The following TP63 variants were observed in gnomAD, a reference collection of about 807,000 sequenced individuals.
TP63 encodes tumor protein 63.
In TP63, 17 loss-of-function variants were observed where a neutral mutation model predicts 82.8. That is an observed-to-expected ratio of 0.21 (90% CI 0.14 to 0.31). The LOEUF is 0.31. Among genes scored for constraint, TP63 ranks in the 10% least tolerant of loss-of-function variants. The pLI is 1.00. For missense variants in TP63, 648 were observed against 895.3 expected, an observed-to-expected ratio of 0.72 and a Z score of 3.52; for synonymous variants, 330 against 321.7, an observed-to-expected ratio of 1.03 and a Z score of -0.28.
intron 4 of TP63, among the ~76,000 whole-genome samples, chr3:189,842,197 G>A (rs1456385638): frequency 6.6e-6 from 1 of 152,110 alleles, no homozygotes; most frequent in East Asian, 1.9e-4. Context: ...GTGGAAGGGG[G>A]TTGCAACGTA....
intron 1 of TP63, among the ~76,000 whole-genome samples, chr3:189,698,678 A>T (rs1464401024): frequency 6.6e-6 from 1 of 152,172 alleles, no homozygotes; most frequent in Non-Finnish European, 1.5e-5. Flanking sequence ...GAATATCTGC[A>T]TGTAGTAAAT....
At chr3:189,692,437 C>T (rs1717008813) in intron 1 of TP63, among the ~76,000 whole-genome samples, 1 of 151,750 alleles carries the variant, frequency 6.6e-6, no homozygotes, top group African/African-American at 2.4e-5. Flanking sequence ...TTTCATCCTT[C>T]CCCTTCCTCC....
At chr3:189,893,405 T>A (rs9681004) in intron 13 of TP63, among the ~76,000 whole-genome samples, 1 of 152,022 alleles carries the variant, frequency 6.6e-6, no homozygotes, top group African/African-American at 2.4e-5. Context: ...CCTACCATTC[T>A]GCCCTGTGAA....
At chr3:189,644,848 A>T (rs564221129) in intron 1 of TP63, among the ~76,000 whole-genome samples, 10 of 152,128 alleles carry the variant, frequency 6.6e-5, no homozygotes, top group Admixed American at 2.6e-4. Flanking sequence ...GTTGCTGCAA[A>T]TGCCATTATT....
At chr3:189,628,851 C>G (rs543893975), upstream of TP63, among the ~76,000 whole-genome samples, 1 of 152,190 alleles carries the variant, frequency 6.6e-6, no homozygotes, top group African/African-American at 2.4e-5. Context: ...TACTGGTGTT[C>G]TGTTGAATTC....
intron 1 of TP63, among the ~76,000 whole-genome samples, chr3:189,671,380 A>C (rs1274635897): frequency 6.6e-6 from 1 of 152,182 alleles, no homozygotes; most frequent in Non-Finnish European, 1.5e-5. Context: ...AAAAGCAAAA[A>C]GAAATCACAA....
At chr3:189,738,345 C>G (rs1036042076) in intron 2 of TP63, among the ~76,000 whole-genome samples, 8 of 152,112 alleles carry the variant, frequency 5.3e-5, no homozygotes, top group African/African-American at 1.7e-4. Flanking sequence ...CCTTAGGAAT[C>G]GAGTATAAAA....
At chr3:189,602,349 A>G in the TP63 span, among the ~76,000 whole-genome samples, 5 of 152,184 alleles carry the variant, frequency 3.3e-5, no homozygotes, top group African/African-American at 7.2e-5. Flanking sequence ...ATATTAATGG[A>G]TGGAACAGTG....
intron 3 of TP63, among the ~76,000 whole-genome samples, chr3:189,806,384 C>T (rs778626217): frequency 6.6e-6 from 1 of 152,130 alleles, no homozygotes; most frequent in African/African-American, 2.4e-5. Context: ...TAGGGAGGCA[C>T]GTGCCTTTGG....
intron 3 of TP63, among the ~76,000 whole-genome samples, chr3:189,787,383 G>A (rs1724694460): frequency 6.6e-6 from 1 of 152,122 alleles, no homozygotes; most frequent in African/African-American, 2.4e-5. Flanking sequence ...TGAATCCAGA[G>A]TGGTTAAGTA....
Position 189,817,792 on chromosome 3 carries a change from A to G in TP63, c.579+9266A>G, listed in dbSNP as rs111548533. The stretch of plus-strand genomic sequence containing the variant: ...TAAAAAATGTTTAATTGAATCTTAT[A>G]TCTGTTAACCAGCTTTATTTTTTTA... On this transcript the variant is annotated intron_variant, in intron 4 of 13. Transcript: ENST00000264731. Among the ~76,000 whole-genome samples the G allele has an allele frequency of 4.6e-5, 7 of 152,104 alleles. 1 individual carries two copies. The highest frequency in any genetic ancestry group is 1.7e-4 in the African/African-American group (7 of 41,542).
At chr3:189,683,722 CG>C (rs1300933710) in intron 1 of TP63, among the ~76,000 whole-genome samples, 1 of 152,188 alleles carries the variant, frequency 6.6e-6, no homozygotes, top group Non-Finnish European at 1.5e-5. Flanking sequence ...GTCGGAAACT[CG>C]GTCTCCTCTT....
At chr3:189,748,125 C>G (rs777697647) in intron 3 of TP63, among the ~76,000 whole-genome samples, 1 of 151,938 alleles carries the variant, frequency 6.6e-6, no homozygotes, top group Non-Finnish European at 1.5e-5. Flanking sequence ...AGCCTTTCCT[C>G]TAAGAACTGG....
At position 189,887,856 on chromosome 3, in the gene TP63, G is replaced by GTT. The variant is rs397874442; in HGVS notation, c.1507+1322_1507+1323dup. On this transcript the variant is annotated intron_variant, in intron 11 of 13. Coordinates refer to ENST00000264731, the MANE Select transcript of TP63 (RefSeq NM_003722.5). ...CTAATGGCACACATTCATTGTTTTGGTTTTTTTTTTTTTTTTTTAGACAGA... is the reference window on the plus strand; with the variant it reads ...CTAATGGCACACATTCATTGTTTTGGTTTTTTTTTTTTTTTTTTTTAGACAGA... Among the ~76,000 whole-genome samples, 1,099 of 125,562 alleles carry GTT rather than the reference G, an allele frequency of 8.8e-3. 15 individuals carry two copies. Among genetic ancestry groups the GTT allele is most frequent in the African/African-American group, 0.02 (688 of 34,258 alleles). 82.4% of individuals were successfully genotyped at this position (125,562 alleles called of 152,430 possible).
intron 1 of TP63, among the ~76,000 whole-genome samples, chr3:189,636,009 A>G (rs1026297471): frequency 5.9e-5 from 9 of 152,188 alleles, no homozygotes; most frequent in African/African-American, 2.2e-4. Flanking sequence ...ATGAGCCAAC[A>G]TGCTACAGTC....
chr3:189,882,433 A>G (rs1196342863), intron 10 of TP63, among the ~76,000 whole-genome samples: 14 of 150,468 alleles, frequency 9.3e-5, no homozygotes, highest in Admixed American at 9.3e-4. Flanking sequence ...GAGAGAAGAT[A>G]TGATTCTTTT....
intron 4 of TP63, among the ~76,000 whole-genome samples, chr3:189,850,686 C>A (rs1316334976): frequency 6.6e-6 from 1 of 151,992 alleles, no homozygotes; most frequent in Non-Finnish European, 1.5e-5. Context: ...ATGTAACAAA[C>A]CTGCACGTTG....
chr3:189,716,803 CT>C (rs1255561320), intron 1 of TP63, among the ~76,000 whole-genome samples: 285 of 145,116 alleles, frequency 2.0e-3, no homozygotes, highest in Admixed American at 1.8e-3. Context: ...CTCTTAGTAT[CT>C]TTTTTTTTTT....
chr3:189,854,601 A>T (rs1033685365), intron 4 of TP63, among the ~76,000 whole-genome samples: 10 of 152,200 alleles, frequency 6.6e-5, no homozygotes, highest in Non-Finnish European at 1.3e-4. Context: ...TTGGACACTC[A>T]AGCCATTGGC....
Sources: allele counts gnomAD v4.1 joint callset (sites outside exome capture counted in the v4.1 genomes callset), GRCh38; gene constraint gnomAD v4.1.1; transcripts MANE v1.5; gene names NCBI Gene and HGNC (gene_info 2026-07-23, HGNC 2026-07-21).